Variants in IQGAP2 observed in about 807,000 individuals in gnomAD.
IQGAP2 encodes IQ motif containing GTPase activating protein 2, also known as ras GTPase-activating-like protein IQGAP2.
Under a neutral mutation model 201.3 loss-of-function variants are expected in IQGAP2, and 173 were observed. That is an observed-to-expected ratio of 0.86 (90% confidence interval 0.76 to 0.98). The LOEUF is 0.98. Ranked by LOEUF, IQGAP2 falls within the 50% of genes least tolerant of loss-of-function variation. The probability of loss-of-function intolerance (pLI) is 0.00; values close to 1 mark genes in which losing one functional copy is unlikely to be tolerated. For synonymous variants in IQGAP2, 675 were observed against 673.9 expected (o/e 1.00, Z -0.03); for missense variants, 1,687 against 1,864.8 (o/e 0.90, Z 1.76).
rs766791151 is a variant in IQGAP2, at chr5:76,600,971, C to T, written c.1231C>T (p.Arg411Cys). The T allele has an allele frequency of 1.2e-5, 19 of 1,609,292 alleles. No homozygotes were observed. The highest frequency in any genetic ancestry group is 5.5e-5 in the South Asian group (5 of 90,740). ...LNNLDKAYVERYANTLLSVKL... is the reference protein window; with the variant it reads ...LNNLDKAYVECYANTLLSVKL... Reference sequence around the variant, plus strand: ...CAATCTGGACAAGGCATATGTGGAACGGTAAGGAACATTTTCCAAACCTTC... The same window carrying T: ...CAATCTGGACAAGGCATATGTGGAATGGTAAGGAACATTTTCCAAACCTTC... Residue 411 changes from arginine to cysteine, a missense_variant and splice_region_variant, in exon 11 of 36, where the codon CGT becomes TGT. Transcript: ENST00000274364.
intron 2 of IQGAP2, among the ~76,000 whole-genome samples, chr5:76,556,267 A>T (rs1250744560): frequency 6.6e-6 from 1 of 152,088 alleles, no homozygotes; most frequent in Admixed American, 6.5e-5. Context: ...CCCCACCCTA[A>T]TCTTCTTATG....
intron 1 of IQGAP2, among the ~76,000 whole-genome samples, chr5:76,434,319 T>C (rs910191946): frequency 1.8e-4 from 28 of 152,252 alleles, no homozygotes; most frequent in African/African-American, 6.5e-4. Context: ...GCCCGATACA[T>C]AGTTTTATAT....
At chr5:76,669,161 A>C (rs1284453601) in intron 23 of IQGAP2, among the ~76,000 whole-genome samples, 1 of 152,222 alleles carries the variant, frequency 6.6e-6, no homozygotes, top group Non-Finnish European at 1.5e-5. Context: ...AGCCATTAAC[A>C]GGTGGGAATG....
At chr5:76,430,380 C>T (rs1472940502) in intron 1 of IQGAP2, among the ~76,000 whole-genome samples, 2 of 152,228 alleles carry the variant, frequency 1.3e-5, no homozygotes, top group East Asian at 1.9e-4. Context: ...TGGGATGACT[C>T]GAAGGCTGGA....
At chr5:76,619,618 G>A (rs973908811) in intron 13 of IQGAP2, among the ~76,000 whole-genome samples, 3 of 147,148 alleles carry the variant, frequency 2.0e-5, no homozygotes, top group South Asian at 2.2e-4. Context: ...CCGGGTTCAC[G>A]CCATTCTCCT....
rs1561416748 is a variant in IQGAP2, at chr5:76,496,779, T to TTTTCTTTCTTTCTCTTTCTTTCTTTC, written c.146+35111_146+35112insTTCTTTCTTTCTCTTTCTTTCTTTCT. ...TTTCTTTCTTTCTTTCTTTCTTTCT[T>TTTTCTTTCTTTCTCTTTCTTTCTTTC]TCTTTCTTTCTTTCTCTTTCTTTCT... On this transcript the variant is annotated intron_variant, in intron 2 of 35. Transcript: ENST00000274364. 4.2e-4 allele frequency among the ~76,000 whole-genome samples: 41 copies of TTTTCTTTCTTTCTCTTTCTTTCTTTC among 97,576 alleles called. 1 individual carries two copies. The highest frequency in any genetic ancestry group is 1.7e-3 in the African/African-American group (33 of 18,906). The allele number at this position is 97,576 out of a possible 152,430, so 64.0% of individuals were successfully genotyped here.
chr5:76,629,594 T>C (rs552505461), intron 14 of IQGAP2, among the ~76,000 whole-genome samples: 1 of 152,366 alleles, frequency 6.6e-6, no homozygotes, highest in Non-Finnish European at 1.5e-5. Context: ...TTTTCTCTAA[T>C]CACTCCTTAC....
At chr5:76,665,461 G>A (rs1415209712) in intron 22 of IQGAP2, among the ~76,000 whole-genome samples, 1 of 152,108 alleles carries the variant, frequency 6.6e-6, no homozygotes, top group Non-Finnish European at 1.5e-5. Context: ...TGAAACGCAG[G>A]CAGTTTGACT....
chr5:76,545,078 A>G (rs891826821), intron 2 of IQGAP2, among the ~76,000 whole-genome samples: 3 of 152,146 alleles, frequency 2.0e-5, no homozygotes, highest in Non-Finnish European at 1.5e-5. Context: ...ACATACATAT[A>G]TACACATAAC....
chr5:76,677,209 C>G lies in IQGAP2; in HGVS notation c.3528-9C>G. 6.2e-7 allele frequency: 1 copy of G among 1,611,490 alleles called. No homozygotes were observed. Among genetic ancestry groups the G allele is most frequent in the Admixed American group, 1.7e-5 (1 of 59,680 alleles). On this transcript the variant is annotated splice_polypyrimidine_tract_variant and intron_variant, in intron 27 of 35. Coordinates refer to ENST00000274364, the MANE Select transcript of IQGAP2 (RefSeq NM_006633.5). ...GAGTCTGTCTTAAGACTTTTCCCCC[C>G]TTTATTAGGAAATATTTCAAAGAAG... is the stretch of plus-strand genomic sequence containing the variant.
At chr5:76,452,753 T>A (rs1470511091) in intron 1 of IQGAP2, among the ~76,000 whole-genome samples, 1 of 152,180 alleles carries the variant, frequency 6.6e-6, no homozygotes, top group Non-Finnish European at 1.5e-5. Context: ...TTCAGTTTAG[T>A]AGAAAGATCA....
At chr5:76,543,605 G>A (rs570229746) in intron 2 of IQGAP2, among the ~76,000 whole-genome samples, 9 of 152,200 alleles carry the variant, frequency 5.9e-5, no homozygotes, top group Non-Finnish European at 1.0e-4. Flanking sequence ...TGGTGCATGT[G>A]TTTGTCTTCT....
At chr5:76,614,260 C>T (rs1291844448) in intron 13 of IQGAP2, among the ~76,000 whole-genome samples, 1 of 152,162 alleles carries the variant, frequency 6.6e-6, no homozygotes, top group East Asian at 1.9e-4. Context: ...CATGCCAGCT[C>T]TGTGTCAGGC....
intron 2 of IQGAP2, among the ~76,000 whole-genome samples, chr5:76,544,278 C>T (rs951642085): frequency 6.6e-6 from 1 of 152,152 alleles, no homozygotes; most frequent in Non-Finnish European, 1.5e-5. Context: ...GGAGTAAAGA[C>T]CCTGAATCCC....
At chr5:76,673,066 TAAAA>T (rs1389382205) in intron 24 of IQGAP2, among the ~76,000 whole-genome samples, 5 of 151,840 alleles carry the variant, frequency 3.3e-5, no homozygotes, top group Non-Finnish European at 5.9e-5. Flanking sequence ...AATAATAAAA[TAAAA>T]AATAATTAAT....
chr5:76,455,367 C>T (rs879849086), intron 1 of IQGAP2, among the ~76,000 whole-genome samples: 16 of 149,154 alleles, frequency 1.1e-4, no homozygotes, highest in Non-Finnish European at 2.2e-4. Flanking sequence ...TCATGAGAAT[C>T]GCTTGAACCC....
intron 3 of IQGAP2, among the ~76,000 whole-genome samples, chr5:76,567,531 A>G (rs1418740447): frequency 1.3e-5 from 2 of 152,204 alleles, no homozygotes; most frequent in Non-Finnish European, 2.9e-5. Context: ...CCTGACAGAC[A>G]TGAGCATCTA....
chr5:76,434,761 G>A (rs930354582), intron 1 of IQGAP2, among the ~76,000 whole-genome samples: 1 of 152,068 alleles, frequency 6.6e-6, no homozygotes, highest in East Asian at 1.9e-4. Context: ...TCTACTTTTA[G>A]TTCTTTAAGA....
In IQGAP2 at chr5:76,650,112, G is replaced by A. The variant is rs1044097311; in HGVS notation, c.2095-2638G>A. 2.6e-5 allele frequency among the ~76,000 whole-genome samples: 4 copies of A among 152,350 alleles called. No individual in the cohort carries two copies. In the East Asian group the frequency reaches 7.7e-4, roughly 29 times the overall value. ...CCATTCTGCCCTCCTAGGCTTCCCA[G>A]CCTGTGATGGCAGGGGCTGCTGTGA... is the stretch of plus-strand genomic sequence containing the variant. On this transcript the variant is annotated intron_variant, in intron 17 of 35. Coordinates refer to ENST00000274364, the MANE Select transcript of IQGAP2 (RefSeq NM_006633.5).
Sources: gnomAD v4.1 joint callset for allele counts (sites outside exome capture counted in the v4.1 genomes callset) on GRCh38, gnomAD v4.1.1 for gene constraint, MANE v1.5 for transcripts, NCBI Gene and HGNC (gene_info 2026-07-23, HGNC 2026-07-21) for gene names.